The following MRPS6 variants were observed in gnomAD, a reference collection of about 807,000 sequenced individuals.
MRPS6 encodes the protein small ribosomal subunit protein bS6m.
In MRPS6, 6 loss-of-function variants were observed where a neutral mutation model predicts 13.1. The ratio of observed to expected loss-of-function variants is 0.46; its 90% CI spans 0.25 to 0.91. MRPS6 has a LOEUF of 0.91. Ranked by LOEUF, MRPS6 falls within the 40% of genes least tolerant of loss-of-function variation. The pLI, the probability that MRPS6 is intolerant of heterozygous loss-of-function variation, is 0.18. For missense variants in MRPS6, 164 were observed against 155.6 expected (o/e 1.05, Z -0.29); for synonymous variants, 61 against 56.5 (o/e 1.08, Z -0.36).
At chr21:34,100,286 A>C (rs1246601152) in intron 1 of MRPS6, 3 of 999,982 alleles carry the variant, frequency 3.0e-6, no homozygotes. Flanking sequence ...GGCATATTAC[A>C]TTGGTATGCA....
intron 1 of MRPS6, chr21:34,101,707 TGAG>T: frequency 1.0e-6 from 1 of 998,790 alleles, no homozygotes; most frequent in Non-Finnish European, 1.2e-6. Context: ...GCCCCAGTAT[TGAG>T]GACTTTTAGA....
intron 2 of MRPS6, among the ~76,000 whole-genome samples, chr21:34,140,691 C>A (rs1249392175): frequency 3.3e-5 from 5 of 152,064 alleles, no homozygotes; most frequent in Non-Finnish European, 5.9e-5. Flanking sequence ...CTGGATGTGT[C>A]CATTTCTCTG....
At chr21:34,106,562 A>G (rs1429327745) in intron 1 of MRPS6, among the ~76,000 whole-genome samples, 1 of 152,248 alleles carries the variant, frequency 6.6e-6, no homozygotes, top group Non-Finnish European at 1.5e-5. Context: ...TGAGGAATTT[A>G]GGACTTGACT....
chr21:34,127,027 C>CT (rs1980330943), intron 2 of MRPS6, among the ~76,000 whole-genome samples: 1 of 152,182 alleles, frequency 6.6e-6, no homozygotes, highest in African/African-American at 2.4e-5. Flanking sequence ...CCACTGGGAC[C>CT]AAGCCAGAAC....
intron 1 of MRPS6, chr21:34,099,821 ACAT>A: frequency 3.1e-6 from 2 of 643,096 alleles, no homozygotes; most frequent in Non-Finnish European, 4.0e-6. Context: ...GCCAGTATAA[ACAT>A]CATTTTATTT....
chr21:34,081,310 T>G (rs1989453579), intron 1 of MRPS6, among the ~76,000 whole-genome samples: 1 of 152,168 alleles, frequency 6.6e-6, no homozygotes, highest in South Asian at 2.1e-4. Context: ...CTCCAAGTGC[T>G]TGTCATGACC....
intron 2 of MRPS6, among the ~76,000 whole-genome samples, chr21:34,137,801 G>A (rs1328781439): frequency 1.3e-5 from 2 of 151,584 alleles, no homozygotes; most frequent in African/African-American, 4.9e-5. Flanking sequence ...TTTTTAATCA[G>A]GAATGGCTAT....
intron 1 of MRPS6, chr21:34,095,846 GTACATGT>G: frequency 6.2e-7 from 1 of 1,614,036 alleles, no homozygotes. Flanking sequence ...TTAAGAGAAG[GTACATGT>G]TGGCCTCACC....
intron 2 of MRPS6, among the ~76,000 whole-genome samples, chr21:34,140,174 C>T (rs914890525): frequency 4.0e-5 from 6 of 150,374 alleles, no homozygotes; most frequent in African/African-American, 1.5e-4. Flanking sequence ...ATTTAATTTG[C>T]TCTTTTCCTA....
intron 2 of MRPS6, among the ~76,000 whole-genome samples, chr21:34,139,104 C>A (rs572109665): frequency 8.4e-4 from 123 of 145,914 alleles, no homozygotes; most frequent in South Asian, 3.9e-3. Context: ...CCAAACACCG[C>A]ATGTTCTCAC....
At chr21:34,098,594 T>C (rs1979081667) in intron 1 of MRPS6, 2 of 1,000,278 alleles carry the variant, frequency 2.0e-6, no homozygotes, top group Non-Finnish European at 2.4e-6. Flanking sequence ...TACTTTGCTG[T>C]TGTTAGGTTG....
At chr21:34,103,940 C>T (rs1194066897) in intron 1 of MRPS6, 1 of 999,976 alleles carries the variant, frequency 1.0e-6, no homozygotes, top group African/African-American at 1.7e-5. Flanking sequence ...GAACAGGTGA[C>T]ATATTTCTGT....
At chr21:34,136,492 G>A (rs1012907231) in intron 2 of MRPS6, among the ~76,000 whole-genome samples, 1 of 152,160 alleles carries the variant, frequency 6.6e-6, no homozygotes, top group Non-Finnish European at 1.5e-5. Flanking sequence ...GGTGTGGTCA[G>A]CCTTTTTAAT....
intron 1 of MRPS6, among the ~76,000 whole-genome samples, chr21:34,120,540 A>G (rs1001681854): frequency 6.6e-6 from 1 of 152,290 alleles, no homozygotes; most frequent in African/African-American, 2.4e-5. Context: ...TAGGCTAAAC[A>G]TTAGTTTTGG....
At chr21:34,074,146 G>A (rs868323004) in intron 1 of MRPS6, among the ~76,000 whole-genome samples, 100 of 148,918 alleles carry the variant, frequency 6.7e-4, no homozygotes, top group Middle Eastern at 3.2e-3. Context: ...TCGTGAAGCT[G>A]CCTCGTCGCC....
At chr21:34,134,679 C>G (rs1980624803) in intron 2 of MRPS6, among the ~76,000 whole-genome samples, 1 of 152,114 alleles carries the variant, frequency 6.6e-6, no homozygotes, top group South Asian at 2.1e-4. Context: ...CCCAAGCAAC[C>G]ACTGATCTTT....
chr21:34,140,555 A>G lies in MRPS6; in HGVS notation c.186-1853A>G, dbSNP rs75728474. Among the ~76,000 whole-genome samples the G allele has an allele frequency of 1.7e-3, 260 of 152,324 alleles. 2 individuals are homozygous for G. The highest frequency in any genetic ancestry group is 6.0e-3 in the African/African-American group (250 of 41,580). ...TTGTGATTGTTGGGTAAAGGGTTCT[A>G]TAAATGTCAGTTAACTCCACTTGGT... On this transcript the variant is annotated intron_variant, in intron 2 of 2. Transcript: ENST00000399312.
intron 1 of MRPS6, chr21:34,105,278 A>G (rs1057250076): frequency 7.0e-6 from 7 of 1,000,250 alleles, no homozygotes; most frequent in Non-Finnish European, 8.4e-6. Context: ...GCAATCATGT[A>G]TGAACTGTGT....
intron 1 of MRPS6, chr21:34,105,617 T>C (rs549832342): frequency 2.0e-6 from 2 of 1,000,124 alleles, no homozygotes. Context: ...ATTGTGTACA[T>C]GTGTCATTTT....
Sources: allele counts gnomAD v4.1 joint callset (sites outside exome capture counted in the v4.1 genomes callset), GRCh38; gene constraint gnomAD v4.1.1; transcripts MANE v1.5; gene names NCBI Gene and HGNC (gene_info 2026-07-23, HGNC 2026-07-21).